The following TRIM22 variants were observed in gnomAD, a reference collection of about 807,000 sequenced individuals.
The protein encoded by TRIM22 is E3 ubiquitin-protein ligase TRIM22.
In TRIM22, 45 loss-of-function variants were observed where a neutral mutation model predicts 53.6. The observed-to-expected ratio is 0.84, with a 90% confidence interval of 0.66 to 1.08. The LOEUF (loss-of-function observed/expected upper bound fraction) is 1.08, where lower values mean the gene tolerates loss of function less well. Ranked by LOEUF, TRIM22 falls within the 50% of genes least tolerant of loss-of-function variation. The pLI is 0.00. For missense variants in TRIM22, 616 were observed against 590.9 expected (o/e 1.04, Z -0.44); for synonymous variants, 225 against 216.6 (o/e 1.04, Z -0.34).
At chr11:5,691,064 T>C (rs1356116495) in intron 1 of TRIM22, 1 of 152,342 alleles carries the variant, frequency 6.6e-6, no homozygotes, top group Non-Finnish European at 1.5e-5. Flanking sequence ...AGCTCCACTT[T>C]GGTCTCTTGT....
chr11:5,697,419 C>G, intron 3 of TRIM22, 76 bp downstream of exon 3: 1 of 1,022,516 alleles, frequency 9.8e-7, no homozygotes, highest in Non-Finnish European at 1.4e-6. Flanking sequence ...CAAGGAGACC[C>G]CTTCCTCTTT....
intron 4 of TRIM22, 62 bp from the exon 5 acceptor site, chr11:5,706,532 C>G: frequency 6.5e-7 from 1 of 1,544,714 alleles, no homozygotes; most frequent in South Asian, 1.2e-5. Context: ...ATTGAACTAG[C>G]CACTTTTATG....
At chr11:5,690,310 G>A (rs1040308229) in intron 1 of TRIM22, among the ~76,000 whole-genome samples, 1 of 152,172 alleles carries the variant, frequency 6.6e-6, no homozygotes, top group Non-Finnish European at 1.5e-5. Flanking sequence ...GAACAAAGGA[G>A]GAAGAAAGTT....
At position 5,693,189 on chromosome 11, in the gene TRIM22, CTTT is replaced by C. The variant is rs55820335; in HGVS notation, c.-66-2960_-66-2958del. 8.2e-3 allele frequency among the ~76,000 whole-genome samples: 1,028 copies of C among 125,582 alleles called. 14 individuals are homozygous for C. The highest frequency in any genetic ancestry group is 0.039 in the East Asian group (152 of 3,934). 82.4% of individuals were successfully genotyped at this position (125,582 alleles called of 152,430 possible). A position where few individuals can be genotyped will look rare whatever the true frequency, so the allele number is the denominator to read the frequency against. ...GGCTTGAGCCACAGCGCCTGGCCATCTTTTTTTTTTTTTTTTTTTTGATTTAAA... is the reference window on the plus strand; with the variant it reads ...GGCTTGAGCCACAGCGCCTGGCCATCTTTTTTTTTTTTTTTTTGATTTAAA... On this transcript the variant is annotated intron_variant, in intron 1 of 7. Coordinates refer to ENST00000379965, the MANE Select transcript of TRIM22 (RefSeq NM_006074.5).
intron 5 of TRIM22, among the ~76,000 whole-genome samples, chr11:5,707,531 TG>T (rs1280344341): frequency 6.6e-6 from 1 of 152,170 alleles, no homozygotes; most frequent in East Asian, 1.9e-4. Context: ...CATTATTGGC[TG>T]GGTGCAGTGG....
intron 3 of TRIM22, 148 bp from the exon 4 acceptor site, chr11:5,698,167 C>A: frequency 1.5e-6 from 1 of 648,650 alleles, no homozygotes; most frequent in Non-Finnish European, 2.7e-6. Flanking sequence ...AAAAACATGG[C>A]TTCACCAGAA....
intron 4 of TRIM22, 34 bp from the exon 5 acceptor site, chr11:5,706,560 C>A (rs752825812): frequency 1.2e-6 from 2 of 1,609,028 alleles, no homozygotes; most frequent in African/African-American, 2.7e-5. Context: ...TCTGGCAACC[C>A]TATCTTGACT....
chr11:5,690,624 T>C (rs1229217430), intron 1 of TRIM22, among the ~76,000 whole-genome samples: 1 of 152,202 alleles, frequency 6.6e-6, no homozygotes, highest in Non-Finnish European at 1.5e-5. Flanking sequence ...AGGGGCACTG[T>C]GAATTAAAGA....
chr11:5,709,759 T>C lies in TRIM22; in HGVS notation c.*111T>C. 2.1e-6 allele frequency: 2 copies of C among 958,730 alleles called. No homozygotes were observed. The highest frequency in any genetic ancestry group is 3.1e-6 in the Non-Finnish European group (2 of 642,156). 59.4% of individuals were successfully genotyped at this position (958,730 alleles called of 1,614,324 possible). A position where few individuals can be genotyped will look rare whatever the true frequency, so the allele number is the denominator to read the frequency against. ...CATCTCTTCCTTTCTTTCCCCTTCT[T>C]TTACTTAGAATGTCTTTGTATTCAT... On this transcript the variant is annotated 3_prime_UTR_variant, in exon 8 of 8. Coordinates refer to ENST00000379965, the MANE Select transcript of TRIM22 (RefSeq NM_006074.5).
intron 5 of TRIM22, 58 bp downstream of exon 5, chr11:5,706,674 G>C (rs1261965589): frequency 1.3e-6 from 2 of 1,507,486 alleles, no homozygotes; most frequent in Non-Finnish European, 1.8e-6. Flanking sequence ...ATAGTCCTGA[G>C]AGATATCTTC....
chr11:5,692,015 A>G (rs1853181170), intron 1 of TRIM22, among the ~76,000 whole-genome samples: 1 of 152,200 alleles, frequency 6.6e-6, no homozygotes, highest in Admixed American at 6.5e-5. Context: ...GTATAGTAAA[A>G]AAACAAAAAC....
chr11:5,703,680 C>T (rs562805305), intron 4 of TRIM22, among the ~76,000 whole-genome samples: 26 of 83,196 alleles, frequency 3.1e-4, no homozygotes, highest in Middle Eastern at 6.8e-3. Flanking sequence ...CCACCGCGCC[C>T]GGAAATTTTA....
intron 1 of TRIM22, among the ~76,000 whole-genome samples, chr11:5,695,274 G>A (rs1210763149): frequency 6.6e-6 from 1 of 152,198 alleles, no homozygotes; most frequent in Non-Finnish European, 1.5e-5. Flanking sequence ...AGAGGAGACT[G>A]AATTAAATGT....
intron 4 of TRIM22, among the ~76,000 whole-genome samples, chr11:5,705,889 G>A (rs1454748196): frequency 6.6e-6 from 1 of 152,112 alleles, no homozygotes; most frequent in Non-Finnish European, 1.5e-5. Flanking sequence ...ACTGAAAAAT[G>A]TATGAGATCA....
chr11:5,693,462 A>T (rs1168172298), intron 1 of TRIM22, among the ~76,000 whole-genome samples: 7 of 151,964 alleles, frequency 4.6e-5, no homozygotes, highest in East Asian at 3.9e-4. Context: ...GGCTCACGCC[A>T]GTAATCCCAG....
rs1007173190 is a variant in TRIM22, at chr11:5,709,721, T to C, written c.*73T>C. Reference sequence around the variant, plus strand: ...GACTCAGATTCTGCACCTGAGTTCATCTCTACTGAGACCATCTCTTCCTTT... The same window carrying C: ...GACTCAGATTCTGCACCTGAGTTCACCTCTACTGAGACCATCTCTTCCTTT... On this transcript the variant is annotated 3_prime_UTR_variant, in exon 8 of 8. Transcript: ENST00000379965. 7.8e-6 allele frequency: 10 copies of C among 1,282,294 alleles called. No individual in the cohort carries two copies. The highest frequency in any genetic ancestry group is 3.0e-5 in the African/African-American group (2 of 67,792). The allele number at this position is 1,282,294 out of a possible 1,614,324, so 79.4% of individuals were successfully genotyped here.
At position 5,697,695 on chromosome 11, in the gene TRIM22, A is replaced by ATTTT. The variant is rs1395822271; in HGVS notation, c.519+356_519+359dup. On this transcript the variant is annotated intron_variant, in intron 3 of 7. Coordinates refer to ENST00000379965, the MANE Select transcript of TRIM22 (RefSeq NM_006074.5). ...CTGTTTAGGGGGTTTCAGTAGGGGGATTTTTTTGTTTGTTTGTTTGTTTTT... is the reference window on the plus strand; with the variant it reads ...CTGTTTAGGGGGTTTCAGTAGGGGGATTTTTTTTTTTGTTTGTTTGTTTGTTTTT... The ATTTT allele has an allele frequency of 5.5e-5, 10 of 181,522 alleles. No homozygotes were observed. The East Asian group carries it at 6.8e-4, about 12-fold the overall frequency. The allele number at this position is 181,522 out of a possible 1,614,324, so 11.2% of individuals were successfully genotyped here. A position where few individuals can be genotyped will look rare whatever the true frequency, so the allele number is the denominator to read the frequency against.
chr11:5,708,558 G>A lies in TRIM22; in HGVS notation c.875-19G>A, dbSNP rs756695465. ...CTTATTTGCTTCTAACAACATCACT[G>A]AAACTTTTGTCGTTTCAGAGCTGAC... On this transcript the variant is annotated intron_variant, in intron 6 of 7. Transcript: ENST00000379965. 3.8e-6 allele frequency: 6 copies of A among 1,599,702 alleles called. No homozygotes were observed. The highest frequency in any genetic ancestry group is 3.4e-4 in the Middle Eastern group (2 of 5,964).
rs1051418880 is a variant in TRIM22, at chr11:5,709,913, A to T, written c.*265A>T. On this transcript the variant is annotated 3_prime_UTR_variant, in exon 8 of 8. Coordinates refer to ENST00000379965, the MANE Select transcript of TRIM22 (RefSeq NM_006074.5). Reference sequence around the variant, plus strand: ...TGGTTCTTTCTGAGGTCTGCAAGGAAGGGCTCTGTTCCATGCCTCTCTCCT... The same window carrying T: ...TGGTTCTTTCTGAGGTCTGCAAGGATGGGCTCTGTTCCATGCCTCTCTCCT... 2.2e-6 allele frequency: 1 copy of T among 453,650 alleles called. No homozygotes were observed. The highest frequency in any genetic ancestry group is 3.9e-6 in the Non-Finnish European group (1 of 254,182). 28.1% of individuals were successfully genotyped at this position (453,650 alleles called of 1,614,324 possible).
Sources: allele counts gnomAD v4.1 joint callset (sites outside exome capture counted in the v4.1 genomes callset), GRCh38; gene constraint gnomAD v4.1.1; transcripts MANE v1.5; gene names NCBI Gene and HGNC (gene_info 2026-07-23, HGNC 2026-07-21).